RBM38: variants seen among roughly 807,000 people sequenced by gnomAD.
RBM38 encodes the protein RNA binding motif protein 38.
In RBM38, 11 loss-of-function variants were observed where a neutral mutation model predicts 23.5. The ratio of observed to expected loss-of-function variants is 0.47; its 90% CI spans 0.29 to 0.77. The LOEUF is 0.77. RBM38 is among the 30% of genes least tolerant of loss of function. The pLI is 0.08. For synonymous variants in RBM38, 165 were observed against 166.1 expected, an observed-to-expected ratio of 0.99 and a Z score of 0.05; for missense variants, 330 against 351.9, an observed-to-expected ratio of 0.94 and a Z score of 0.50.
chr20:57,394,841 G>C (rs1262837426), intron 3 of RBM38, among the ~76,000 whole-genome samples: 2 of 152,168 alleles, frequency 1.3e-5, no homozygotes, highest in African/African-American at 2.4e-5. Context: ...CCAGAGGTGA[G>C]GGTGTGTGCC....
chr20:57,395,584 C>G (rs887006103), intron 3 of RBM38, among the ~76,000 whole-genome samples: 1 of 152,322 alleles, frequency 6.6e-6, no homozygotes, highest in African/African-American at 2.4e-5. Flanking sequence ...AGGGGCCATC[C>G]GCTCTTGGCT....
chr20:57,391,789 C>A lies in RBM38; in HGVS notation c.208C>A (p.Gln70Lys). Residue 70 changes from glutamine to lysine, a missense_variant, in exon 1 of 4, where the codon CAG becomes AAG. Coordinates refer to ENST00000356208, the MANE Select transcript of RBM38 (RefSeq NM_017495.6). ...IEEAVVITDRQTGKSRGYGFV... is the reference protein window; with the variant it reads ...IEEAVVITDRKTGKSRGYGFV... ...GGAGGCCGTGGTCATCACCGACCGCCAGACGGGCAAGTCCCGCGGCTACGG... is the reference window on the plus strand; with the variant it reads ...GGAGGCCGTGGTCATCACCGACCGCAAGACGGGCAAGTCCCGCGGCTACGG... 1 of 1,567,720 alleles carries A rather than the reference C, an allele frequency of 6.4e-7. No individual in the cohort carries two copies.
At chr20:57,405,479 G>T (rs1432113667) in intron 3 of RBM38, among the ~76,000 whole-genome samples, 2 of 152,224 alleles carry the variant, frequency 1.3e-5, no homozygotes, top group Non-Finnish European at 2.9e-5. Context: ...TGGGCCTCTG[G>T]ACAGATGCTG....
At chr20:57,392,306 TCTCAGAGGAAAGTCTCGGCC>T in intron 1 of RBM38, 1 of 780,952 alleles carries the variant, frequency 1.3e-6, no homozygotes, top group Non-Finnish European at 2.0e-6. Flanking sequence ...GCAAACTCCT[TCTCAGAGGAAAGTCTCGGCC>T]CTCACTGGTG....
intron 3 of RBM38, 85 bp downstream of exon 3, chr20:57,393,418 G>A (rs1005444886): frequency 7.9e-6 from 11 of 1,384,874 alleles, no homozygotes; most frequent in African/African-American, 7.2e-5. Context: ...TGGAAGGCTG[G>A]GGAAATGACA....
intron 3 of RBM38, among the ~76,000 whole-genome samples, chr20:57,399,663 T>C (rs1206177574): frequency 6.6e-6 from 1 of 152,204 alleles, no homozygotes; most frequent in Non-Finnish European, 1.5e-5. Flanking sequence ...GCGTTCGACC[T>C]GTGTCCTGTG....
chr20:57,407,719 C>T lies in RBM38; in HGVS notation c.593C>T (p.Thr198Met), dbSNP rs199521379. 3.6e-4 allele frequency: 581 copies of T among 1,611,816 alleles called. No individual in the cohort carries two copies. The highest frequency in any genetic ancestry group is 4.6e-4 in the Non-Finnish European group (543 of 1,179,724). The stretch of plus-strand genomic sequence containing the variant: ...TACCCATACGCCGCCTCGCCTGCCA[C>T]GGCTGCCAGCTTCGTGGGCTACAGC... ...DQYPYAASPA[T>M]AASFVGYSYP... is the part of the protein sequence containing the mutation. Residue 198 changes from threonine to methionine, a missense_variant, in exon 4 of 4, where the codon ACG becomes ATG. Coordinates refer to ENST00000356208, the MANE Select transcript of RBM38 (RefSeq NM_017495.6). The surrounding 1 kb of genome is among the most constrained non-coding windows in gnomAD (Gnocchi z 4.0).
intron 3 of RBM38, among the ~76,000 whole-genome samples, chr20:57,398,509 G>A (rs536822231): frequency 1.1e-4 from 16 of 152,254 alleles, no homozygotes; most frequent in African/African-American, 3.4e-4. Flanking sequence ...GTGGCGTCAC[G>A]TTTTCACCCT....
chr20:57,399,238 A>G (rs2067304262), intron 3 of RBM38, among the ~76,000 whole-genome samples: 2 of 152,142 alleles, frequency 1.3e-5, no homozygotes, highest in African/African-American at 4.8e-5. Flanking sequence ...CCTCCAAGTG[A>G]CACCGGACCA....
At position 57,391,749 on chromosome 20, in the gene RBM38, CT is replaced by C; in HGVS notation, c.170del (p.Phe57SerfsTer24). 6.4e-7 allele frequency: 1 copy of C among 1,570,434 alleles called. No individual in the cohort carries two copies. Among genetic ancestry groups the C allele is most frequent in the Non-Finnish European group, 8.6e-7 (1 of 1,158,340 alleles). ...CCTCGCTCAGGAAGTACTTCGAGGG[CT>C]TCGGCGACATCGAGGAGGCCGTGGT... is the stretch of plus-strand genomic sequence containing the variant. ...DASLRKYFEG[F>X]GDIEEAVVIT... On this transcript the variant is annotated frameshift_variant, in exon 1 of 4. Transcript: ENST00000356208. LOFTEE classifies it high-confidence loss of function.
intron 3 of RBM38, among the ~76,000 whole-genome samples, chr20:57,397,235 C>T (rs535851739): frequency 1.1e-4 from 16 of 152,254 alleles, no homozygotes; most frequent in South Asian, 2.1e-4. Context: ...CATCTCTTGC[C>T]GGCCCTGCTT....
chr20:57,398,249 CGTGTGTGT>C (rs3067272), intron 3 of RBM38, among the ~76,000 whole-genome samples: 6,930 of 149,078 alleles, frequency 0.046, 501 homozygotes, highest in African/African-American at 0.16. Context: ...CAGGTGATGG[CGTGTGTGT>C]GTGTGTGTGT....
At position 57,391,530 on chromosome 20, in the gene RBM38, C is replaced by G. The variant is rs574987095; in HGVS notation, c.-52C>G. Reference sequence around the variant, plus strand: ...TGCCCCGCGCGCTCCCCGCCGCCCCCCATGAGCGCAGCCCCGCGCGGCCCG... The same window carrying G: ...TGCCCCGCGCGCTCCCCGCCGCCCCGCATGAGCGCAGCCCCGCGCGGCCCG... On this transcript the variant is annotated 5_prime_UTR_variant, in exon 1 of 4. Coordinates refer to ENST00000356208, the MANE Select transcript of RBM38 (RefSeq NM_017495.6). 1 of 614,758 alleles carries G rather than the reference C, an allele frequency of 1.6e-6. No individual in the cohort carries two copies. The highest frequency in any genetic ancestry group is 6.3e-5 in the Admixed American group (1 of 15,906). 38.1% of individuals were successfully genotyped at this position (614,758 alleles called of 1,614,324 possible). A position where few individuals can be genotyped will look rare whatever the true frequency, so the allele number is the denominator to read the frequency against.
At chr20:57,405,628 A>G (rs1733617780) in intron 3 of RBM38, among the ~76,000 whole-genome samples, 1 of 152,206 alleles carries the variant, frequency 6.6e-6, no homozygotes, top group African/African-American at 2.4e-5. Flanking sequence ...TGGGGGGAGC[A>G]AGAGGCCCTG....
intron 3 of RBM38, among the ~76,000 whole-genome samples, chr20:57,402,905 A>G (rs1329599855): frequency 6.6e-6 from 1 of 152,094 alleles, no homozygotes; most frequent in African/African-American, 2.4e-5. Flanking sequence ...AGCAGTGAGG[A>G]TCCCTTGTCT....
chr20:57,391,774 G>A lies in RBM38; in HGVS notation c.193G>A (p.Val65Ile), dbSNP rs2067217846. ...CTTCGGCGACATCGAGGAGGCCGTG[G>A]TCATCACCGACCGCCAGACGGGCAA... Reference protein sequence around the residue: ...EGFGDIEEAVVITDRQTGKSR... With the variant: ...EGFGDIEEAVIITDRQTGKSR... The change falls in exon 1 of 4, where the codon GTC becomes ATC. Residue 65 changes from valine to isoleucine, a missense_variant. Physicochemically the swap from Val to Ile is conservative, Grantham distance 29. Transcript: ENST00000356208. The A allele has an allele frequency of 1.3e-6, 2 of 1,572,114 alleles. No individual in the cohort carries two copies. The highest frequency in any genetic ancestry group is 1.7e-6 in the Non-Finnish European group (2 of 1,158,978).
intron 3 of RBM38, among the ~76,000 whole-genome samples, chr20:57,400,371 A>T (rs1293416057): frequency 6.6e-6 from 1 of 152,180 alleles, no homozygotes; most frequent in Non-Finnish European, 1.5e-5. Flanking sequence ...AGTCTGGACC[A>T]GGCTCGGGGT....
chr20:57,396,710 C>T (rs1352769650), intron 3 of RBM38, among the ~76,000 whole-genome samples: 1 of 152,178 alleles, frequency 6.6e-6, no homozygotes, highest in African/African-American at 2.4e-5. Flanking sequence ...TTGCCTCGCC[C>T]AAGTCATGAC....
intron 3 of RBM38, among the ~76,000 whole-genome samples, chr20:57,395,081 G>A (rs1257147631): frequency 6.6e-6 from 1 of 152,234 alleles, no homozygotes; most frequent in Non-Finnish European, 1.5e-5. Context: ...TTAAAACAGT[G>A]CACAGGCATG....
Sources: allele counts gnomAD v4.1 joint callset (sites outside exome capture counted in the v4.1 genomes callset), GRCh38; gene constraint gnomAD v4.1.1; non-coding constraint Gnocchi (gnomAD v3.1); transcripts MANE v1.5; gene names NCBI Gene and HGNC (gene_info 2026-07-23, HGNC 2026-07-21).